The following CCDC88A variants were observed in gnomAD, a reference collection of about 807,000 sequenced individuals.
The protein encoded by CCDC88A is coiled-coil and HOOK domain protein 88A.
Under a neutral mutation model 234.3 loss-of-function variants are expected in CCDC88A, and 54 were observed. The observed-to-expected ratio is 0.23, with a 90% confidence interval of 0.19 to 0.29. The LOEUF is 0.29. CCDC88A is among the 10% of genes least tolerant of loss of function. The pLI is 1.00. For synonymous variants in CCDC88A, 753 were observed against 737.8 expected (o/e 1.02, Z -0.33); for missense variants, 1,832 against 2,123.4 (o/e 0.86, Z 2.70).
In CCDC88A at chr2:55,416,448, AT is replaced by A. The variant is rs1558860167; in HGVS notation, c.164+2367del. Among the ~76,000 whole-genome samples, 86 of 64,944 alleles carry A rather than the reference AT, an allele frequency of 1.3e-3. 1 individual carries two copies. Among genetic ancestry groups the A allele is most frequent in the Middle Eastern group, 7.5e-3 (1 of 134 alleles). 42.6% of individuals were successfully genotyped at this position (64,944 alleles called of 152,430 possible). A position where few individuals can be genotyped will look rare whatever the true frequency, so the allele number is the denominator to read the frequency against. On this transcript the variant is annotated intron_variant, in intron 2 of 32. Transcript: ENST00000436346. ...GTCAAATAAATAAATAAATAAATAT[AT>A]ATATATATATATATATATATATATA...
Position 55,295,594 on chromosome 2 carries a change from C to T in CCDC88A, c.5551+3G>A. On this transcript the variant is annotated splice_donor_region_variant and intron_variant, in intron 31 of 32. Transcript: ENST00000436346. Reference sequence around the variant, plus strand: ...GAGGACCACTGGTGTAAATGGTACTCACTAGATGCTGCAGTGGTGTTGCTG... The same window carrying T: ...GAGGACCACTGGTGTAAATGGTACTTACTAGATGCTGCAGTGGTGTTGCTG... The T allele has an allele frequency of 6.2e-7, 1 of 1,614,086 alleles. No homozygotes were observed. The highest frequency in any genetic ancestry group is 8.5e-7 in the Non-Finnish European group (1 of 1,179,978).
chr2:55,389,402 G>A (rs1346407258), intron 2 of CCDC88A, among the ~76,000 whole-genome samples: 1 of 152,152 alleles, frequency 6.6e-6, no homozygotes, highest in East Asian at 1.9e-4. Flanking sequence ...TAATCCTGAG[G>A]CAGCAGAAAC....
At position 55,346,173 on chromosome 2, in the gene CCDC88A, A is replaced by G; in HGVS notation, c.1041+2T>C. ...TCATGAATGGTTAATTATGCAACAT[A>G]CCTCAACTCTTGCCTTATAAAATTC... On this transcript the variant is annotated splice_donor_variant, in intron 10 of 32. Transcript: ENST00000436346. LOFTEE classifies it high-confidence loss of function. The G allele has an allele frequency of 6.3e-7, 1 of 1,589,258 alleles. No homozygotes were observed. The highest frequency in any genetic ancestry group is 8.6e-7 in the Non-Finnish European group (1 of 1,167,276).
chr2:55,287,981 G>A lies in CCDC88A; in HGVS notation c.*3219C>T, dbSNP rs566597641. ...CAAACAGTGGTATCTCTTGTCATGAGTTGGATGCCTGTGACTGACATCAGG... is the reference window on the plus strand; with the variant it reads ...CAAACAGTGGTATCTCTTGTCATGAATTGGATGCCTGTGACTGACATCAGG... On this transcript the variant is annotated 3_prime_UTR_variant, in exon 33 of 33. Coordinates refer to ENST00000436346, the MANE Select transcript of CCDC88A (RefSeq NM_001365480.1). 4 of 152,740 alleles carry A rather than the reference G, an allele frequency of 2.6e-5. No individual in the cohort carries two copies. In the South Asian group the frequency reaches 8.3e-4, roughly 32 times the overall value. The allele number at this position is 152,740 out of a possible 1,614,324, so 9.5% of individuals were successfully genotyped here.
At chr2:55,397,281 G>C (rs1003612082) in intron 2 of CCDC88A, 3 of 152,248 alleles carry the variant, frequency 2.0e-5, no homozygotes, top group South Asian at 4.2e-4. Flanking sequence ...TTTTAGGAGA[G>C]ACGGGGTTTC....
rs919366873 is a variant in CCDC88A, at chr2:55,294,134, CT to C, written c.5551+1462del. On this transcript the variant is annotated intron_variant, in intron 31 of 32. Coordinates refer to ENST00000436346, the MANE Select transcript of CCDC88A (RefSeq NM_001365480.1). ...TTTACCACTTTGTAAACTTGCTACCCTTTTTGATTAGAAGTAAAAATACAAA... is the reference window on the plus strand; with the variant it reads ...TTTACCACTTTGTAAACTTGCTACCCTTTTGATTAGAAGTAAAAATACAAA... 1.0e-4 allele frequency: 54 copies of C among 524,736 alleles called. No individual in the cohort carries two copies. In the African/African-American group the frequency reaches 1.1e-3, roughly 10 times the overall value. 32.5% of individuals were successfully genotyped at this position (524,736 alleles called of 1,614,324 possible).
intron 8 of CCDC88A, among the ~76,000 whole-genome samples, chr2:55,353,343 G>C (rs1433228217): frequency 2.6e-5 from 4 of 152,142 alleles, no homozygotes; most frequent in Admixed American, 6.5e-5. Context: ...TCACTATTTA[G>C]ACTATCCATT....
intron 3 of CCDC88A, among the ~76,000 whole-genome samples, chr2:55,385,782 G>A (rs565453878): frequency 2.4e-3 from 360 of 147,828 alleles, no homozygotes; most frequent in Non-Finnish European, 3.4e-3. Flanking sequence ...GAATCCGGGA[G>A]GCAGAGGCTG....
chr2:55,349,741 AAAAAG>A, intron 8 of CCDC88A, 142 bp from the exon 9 acceptor site: 1 of 530,280 alleles, frequency 1.9e-6, no homozygotes, highest in Non-Finnish European at 3.3e-6. Context: ...AGATAAAAAA[AAAAAG>A]ATAGATATTA....
intron 3 of CCDC88A, among the ~76,000 whole-genome samples, chr2:55,382,035 G>C (rs768712338): frequency 5.3e-5 from 8 of 152,044 alleles, no homozygotes; most frequent in Non-Finnish European, 1.2e-4. Flanking sequence ...TCATATTTTA[G>C]TAGACTATAG....
intron 3 of CCDC88A, among the ~76,000 whole-genome samples, chr2:55,375,603 C>T (rs1673550489): frequency 6.6e-6 from 1 of 150,448 alleles, no homozygotes; most frequent in African/African-American, 2.4e-5. Context: ...TCTTGACTCA[C>T]TGCAACCTCC....
rs1378812875 is a variant in CCDC88A at position 55,318,714 on chromosome 2, A to G, written c.3324+129T>C. On this transcript the variant is annotated intron_variant, in intron 19 of 32. Transcript: ENST00000436346. ...ATGTGTGAAAATTTGGCATGGCACT[A>G]AATAAAAATATTTTCATTTATCTTT... 5 of 690,172 alleles carry G rather than the reference A, an allele frequency of 7.2e-6. No individual in the cohort carries two copies. The African/African-American group carries it at 9.0e-5, about 12-fold the overall frequency. 42.8% of individuals were successfully genotyped at this position (690,172 alleles called of 1,614,324 possible). A position where few individuals can be genotyped will look rare whatever the true frequency, so the allele number is the denominator to read the frequency against.
intron 2 of CCDC88A, among the ~76,000 whole-genome samples, chr2:55,402,077 T>C (rs1678798058): frequency 1.3e-5 from 2 of 152,118 alleles, no homozygotes; most frequent in African/African-American, 4.8e-5. Context: ...AGAACCCCTT[T>C]TTACTCTTTA....
At chr2:55,417,108 T>C (rs1681620575) in intron 2 of CCDC88A, 1 of 152,020 alleles carries the variant, frequency 6.6e-6, no homozygotes, top group Non-Finnish European at 1.5e-5. Flanking sequence ...AATATACATA[T>C]ATTTTTTAAG....
At chr2:55,377,648 C>T (rs1265680024) in intron 3 of CCDC88A, among the ~76,000 whole-genome samples, 7 of 151,958 alleles carry the variant, frequency 4.6e-5, no homozygotes, top group South Asian at 4.2e-4. Flanking sequence ...CTTGCTCTGT[C>T]GCCTAGGCTG....
At chr2:55,313,380 T>G (rs1682575085) in intron 22 of CCDC88A, 1 of 152,270 alleles carries the variant, frequency 6.6e-6, no homozygotes, top group African/African-American at 2.4e-5. Context: ...CATTCACGGT[T>G]TTCAAGAAAC....
Position 55,301,352 on chromosome 2 carries a change from A to C in CCDC88A, c.4673-75T>G, listed in dbSNP as rs565722228. On this transcript the variant is annotated intron_variant, in intron 27 of 32. Transcript: ENST00000436346. ...CATTATAAAATTTTATTTACATAGAATATGGAAATTGTTTTTCAATCATGT... is the reference window on the plus strand; with the variant it reads ...CATTATAAAATTTTATTTACATAGACTATGGAAATTGTTTTTCAATCATGT... The C allele has an allele frequency of 8.5e-5, 64 of 755,216 alleles. No homozygotes were observed. The South Asian group carries it at 1.1e-3, about 13-fold the overall frequency. The allele number at this position is 755,216 out of a possible 1,614,324, so 46.8% of individuals were successfully genotyped here.
At chr2:55,292,572 A>G (rs768193557) in intron 31 of CCDC88A, 3 of 152,208 alleles carry the variant, frequency 2.0e-5, no homozygotes, top group Non-Finnish European at 4.4e-5. Flanking sequence ...AATGCTATGA[A>G]AAAACGTTGA....
intron 17 of CCDC88A, among the ~76,000 whole-genome samples, chr2:55,327,825 A>G (rs1156321682): frequency 6.6e-6 from 1 of 152,244 alleles, no homozygotes; most frequent in Non-Finnish European, 1.5e-5. Context: ...ACTTTCAAAT[A>G]TCACAAGGAA....
Sources: gnomAD v4.1 joint callset for allele counts (sites outside exome capture counted in the v4.1 genomes callset) on GRCh38, gnomAD v4.1.1 for gene constraint, MANE v1.5 for transcripts, NCBI Gene and HGNC (gene_info 2026-07-23, HGNC 2026-07-21) for gene names.